PATJ: variants seen among roughly 807,000 people sequenced by gnomAD.
PATJ encodes the protein PATJ crumbs cell polarity complex component.
In PATJ, 190 loss-of-function variants were observed where a neutral mutation model predicts 224.9. That is an observed-to-expected ratio of 0.84 (90% CI 0.75 to 0.95). PATJ has a LOEUF of 0.95. Ranked by LOEUF, PATJ falls within the 40% of genes least tolerant of loss-of-function variation. The pLI is 0.00. For synonymous variants in PATJ, 769 were observed against 820.3 expected, an observed-to-expected ratio of 0.94 and a Z score of 1.07; for missense variants, 2,121 against 2,270.3, an observed-to-expected ratio of 0.93 and a Z score of 1.34.
At chr1:61,871,503 A>ATATGTGTATATATG (rs1271817945) in intron 20 of PATJ, among the ~76,000 whole-genome samples, 5 of 134,658 alleles carry the variant, frequency 3.7e-5, no homozygotes, top group Non-Finnish European at 6.4e-5. Context: ...GTATATATAC[A>ATATGTGTATATATG]TATATACGCA....
chr1:61,841,467 T>A (rs1367876196), intron 17 of PATJ, among the ~76,000 whole-genome samples: 2 of 152,184 alleles, frequency 1.3e-5, no homozygotes, highest in African/African-American at 2.4e-5. Context: ...AAGTCAGGTA[T>A]GTAACCATAT....
At chr1:61,910,350 A>G (rs1672438833) in intron 25 of PATJ, among the ~76,000 whole-genome samples, 1 of 152,150 alleles carries the variant, frequency 6.6e-6, no homozygotes, top group Admixed American at 6.6e-5. Context: ...AAATCTCTTC[A>G]GCACCATGCC....
intron 27 of PATJ, among the ~76,000 whole-genome samples, chr1:61,971,008 A>G (rs1309718083): frequency 6.6e-6 from 1 of 152,240 alleles, no homozygotes. Flanking sequence ...AACATTCTTT[A>G]AGAAAATTGC....
intron 27 of PATJ, among the ~76,000 whole-genome samples, chr1:61,929,145 A>G (rs1675650138): frequency 6.6e-6 from 1 of 152,208 alleles, no homozygotes; most frequent in Non-Finnish European, 1.5e-5. Context: ...GCACATGTGT[A>G]ATATATTTCC....
At position 61,743,608 on chromosome 1, in the gene PATJ, G is replaced by A. The variant is rs888019161; in HGVS notation, c.-36+1053G>A. 2.6e-5 allele frequency among the ~76,000 whole-genome samples: 4 copies of A among 152,198 alleles called. No individual in the cohort carries two copies. In the South Asian group the frequency reaches 6.2e-4, roughly 24 times the overall value. On this transcript the variant is annotated intron_variant, in intron 1 of 43. Coordinates refer to ENST00000642238, the MANE Select transcript of PATJ (RefSeq NM_001350145.3). The stretch of plus-strand genomic sequence containing the variant: ...CACATTCTGGGCTAAATTCCTATTG[G>A]CTGCAAATTAATTTGCACACATCTA...
At chr1:61,756,083 G>A (rs914950647) in intron 1 of PATJ, among the ~76,000 whole-genome samples, 1 of 152,124 alleles carries the variant, frequency 6.6e-6, no homozygotes. Context: ...GTGAGCCACC[G>A]CACCTGGCCA....
intron 38 of PATJ, among the ~76,000 whole-genome samples, chr1:62,122,041 G>A (rs2148918929): frequency 6.6e-6 from 1 of 151,938 alleles, no homozygotes; most frequent in Non-Finnish European, 1.5e-5. Context: ...GGTTATCTTT[G>A]ATTAAGGTAG....
intron 14 of PATJ, among the ~76,000 whole-genome samples, chr1:61,810,708 AAAT>A (rs1187796659): frequency 1.2e-5 from 1 of 86,602 alleles, no homozygotes; most frequent in Non-Finnish European, 2.4e-5. Context: ...AAAAATAAAT[AAAT>A]AAATAAATAA....
intron 27 of PATJ, among the ~76,000 whole-genome samples, chr1:61,969,397 G>A (rs1344592975): frequency 6.6e-6 from 1 of 152,080 alleles, no homozygotes; most frequent in Admixed American, 6.6e-5. Context: ...ATTATTTGCT[G>A]GTTTTTTGGT....
chr1:61,896,452 A>G (rs1391260514), intron 22 of PATJ, among the ~76,000 whole-genome samples: 1 of 152,014 alleles, frequency 6.6e-6, no homozygotes, highest in Admixed American at 6.6e-5. Context: ...GGAATAACTA[A>G]CTTGTTTTTG....
chr1:62,144,769 A>ATATATATATATATATATATAT lies in PATJ; in HGVS notation c.5272-3515_5272-3514insTATATATATATATATATATAT, dbSNP rs1180544696. Among the ~76,000 whole-genome samples, 102 of 58,640 alleles carry ATATATATATATATATATATAT rather than the reference A, an allele frequency of 1.7e-3. 1 individual carries two copies. The highest frequency in any genetic ancestry group is 6.0e-3 in the African/African-American group (91 of 15,226). The allele number at this position is 58,640 out of a possible 152,430, so 38.5% of individuals were successfully genotyped here. On this transcript the variant is annotated intron_variant, in intron 41 of 43. Coordinates refer to ENST00000642238, the MANE Select transcript of PATJ (RefSeq NM_001350145.3). ...AAATGCTCTAGAATGTTATTTGCAAAAAAAAAAAATATATATATATATATA... is the reference window on the plus strand; with the variant it reads ...AAATGCTCTAGAATGTTATTTGCAAATATATATATATATATATATATAAAAAAAAATATATATATATATATA...
intron 27 of PATJ, among the ~76,000 whole-genome samples, chr1:61,951,385 T>C (rs930257595): frequency 6.6e-6 from 1 of 152,172 alleles, no homozygotes; most frequent in Non-Finnish European, 1.5e-5. Flanking sequence ...TGAGTTTTCT[T>C]TGGGTATTCT....
intron 23 of PATJ, 94 bp downstream of exon 23, chr1:61,899,748 A>G (rs1670863744): frequency 1.3e-6 from 1 of 754,390 alleles, no homozygotes; most frequent in Non-Finnish European, 2.0e-6. Context: ...TCCTACTCTA[A>G]TGATTGAGAA....
At chr1:62,155,763 A>G (rs1006931599) in intron 43 of PATJ, among the ~76,000 whole-genome samples, 1 of 151,794 alleles carries the variant, frequency 6.6e-6, no homozygotes, top group Non-Finnish European at 1.5e-5. Context: ...AGTCTTACTA[A>G]AAGAATATTC....
At chr1:62,055,912 T>G (rs1654457246) in intron 31 of PATJ, among the ~76,000 whole-genome samples, 3 of 152,240 alleles carry the variant, frequency 2.0e-5, no homozygotes, top group South Asian at 4.1e-4. Flanking sequence ...CAAATTCAGT[T>G]AAAGTGTGAA....
chr1:61,929,364 C>T (rs955592538), intron 27 of PATJ, among the ~76,000 whole-genome samples: 1 of 152,214 alleles, frequency 6.6e-6, no homozygotes, highest in Non-Finnish European at 1.5e-5. Context: ...TCATGATTCA[C>T]ACTTGCTTAT....
At chr1:62,119,769 C>A (rs1454769142) in intron 37 of PATJ, among the ~76,000 whole-genome samples, 1 of 152,128 alleles carries the variant, frequency 6.6e-6, no homozygotes, top group Middle Eastern at 3.2e-3. Flanking sequence ...CCTGGTGAAA[C>A]CCTGTCTCTA....
At chr1:62,053,032 G>A (rs947870615) in intron 31 of PATJ, among the ~76,000 whole-genome samples, 2 of 152,206 alleles carry the variant, frequency 1.3e-5, no homozygotes, top group African/African-American at 4.8e-5. Context: ...CTTGCTGGAA[G>A]AATCTGGTAG....
At chr1:62,060,339 T>C (rs1655220824) in intron 31 of PATJ, among the ~76,000 whole-genome samples, 1 of 152,138 alleles carries the variant, frequency 6.6e-6, no homozygotes, top group Admixed American at 6.6e-5. Flanking sequence ...GGCTGACTTT[T>C]TTTATTTTTA....
Sources: gnomAD v4.1 joint callset for allele counts (sites outside exome capture counted in the v4.1 genomes callset) on GRCh38, gnomAD v4.1.1 for gene constraint, MANE v1.5 for transcripts, NCBI Gene and HGNC (gene_info 2026-07-23, HGNC 2026-07-21) for gene names.